LTBR: variants seen among roughly 807,000 people sequenced by gnomAD.
The protein encoded by LTBR is lymphotoxin beta receptor.
A neutral mutation model predicts 45.4 loss-of-function variants in LTBR; 15 were observed. The ratio of observed to expected loss-of-function variants is 0.33; its 90% CI spans 0.22 to 0.51. The LOEUF is 0.51. LTBR is among the 20% of genes least tolerant of loss of function. The pLI is 0.97. For missense variants in LTBR, 450 were observed against 565.5 expected (o/e 0.80, Z 2.07); for synonymous variants, 228 against 231.0 (o/e 0.99, Z 0.12).
chr12:6,375,337 A>AG (rs62625998), upstream of LTBR: 8,627 of 1,434,876 alleles, frequency 6.0e-3, 41 homozygotes, highest in Non-Finnish European at 6.9e-3. Context: ...CCTCAGCTCC[A>AG]GCCTCTGGCC....
At chr12:6,375,324 G>C (rs374705354), upstream of LTBR, 5 of 1,438,526 alleles carry the variant, frequency 3.5e-6, no homozygotes, top group East Asian at 2.5e-5. Flanking sequence ...TCTCACTCTA[G>C]GCCCTCAGCT....
At chr12:6,387,566 C>T (rs933508111) in intron 6 of LTBR, 7 of 167,572 alleles carry the variant, frequency 4.2e-5, no homozygotes, top group Non-Finnish European at 7.8e-5. Flanking sequence ...TCTCCCCAGG[C>T]CTCCCATCCC....
At position 6,386,027 on chromosome 12, in the gene LTBR, T is replaced by G; in HGVS notation, c.473-39T>G. 6.9e-7 allele frequency: 1 copy of G among 1,457,578 alleles called. No homozygotes were observed. The highest frequency in any genetic ancestry group is 2.3e-5 in the East Asian group (1 of 44,096). The allele number at this position is 1,457,578 out of a possible 1,614,324, so 90.3% of individuals were successfully genotyped here. A position where few individuals can be genotyped will look rare whatever the true frequency, so the allele number is the denominator to read the frequency against. ...AGGCCGGCAAAGGGCCCCTCCCTTTTGCCCATTCACCCTGGCTGGCCTGCC... is the reference window on the plus strand; with the variant it reads ...AGGCCGGCAAAGGGCCCCTCCCTTTGGCCCATTCACCCTGGCTGGCCTGCC... On this transcript the variant is annotated intron_variant, in intron 4 of 9. Coordinates refer to ENST00000228918, the MANE Select transcript of LTBR (RefSeq NM_002342.3). The surrounding 1 kb of genome is among the most constrained non-coding windows in gnomAD (Gnocchi z 4.1).
chr12:6,389,830 A>G (rs1229277858), intron 8 of LTBR: 1 of 308,988 alleles, frequency 3.2e-6, no homozygotes, highest in East Asian at 5.3e-5. Context: ...AAAGTTAGCC[A>G]GACAGTCCCA....
rs976958089 is a variant in LTBR, at chr12:6,391,155, C to T, written c.*218C>T. The stretch of plus-strand genomic sequence containing the variant: ...CTGCCTGAGCAAACCTGAGGCCTCC[C>T]GGCAGACCCACCCACCCCCTGGGGC... On this transcript the variant is annotated 3_prime_UTR_variant, in exon 10 of 10. Coordinates refer to ENST00000228918, the MANE Select transcript of LTBR (RefSeq NM_002342.3). The T allele has an allele frequency of 1.8e-5, 8 of 436,898 alleles. No homozygotes were observed. The highest frequency in any genetic ancestry group is 1.5e-4 in the South Asian group (2 of 13,718). 27.1% of individuals were successfully genotyped at this position (436,898 alleles called of 1,614,324 possible). A position where few individuals can be genotyped will look rare whatever the true frequency, so the allele number is the denominator to read the frequency against.
intron 1 of LTBR, chr12:6,377,671 G>A: frequency 3.1e-6 from 4 of 1,301,402 alleles, no homozygotes; most frequent in Non-Finnish European, 3.0e-6. Context: ...CCTTACATTG[G>A]GCATGGTCCT....
At chr12:6,378,786 A>G (rs1479237694) in intron 1 of LTBR, among the ~76,000 whole-genome samples, 1 of 151,862 alleles carries the variant, frequency 6.6e-6, no homozygotes, top group Non-Finnish European at 1.5e-5. Context: ...AGCTTTGTAG[A>G]CTCTGTCTTG....
upstream of LTBR, among the ~76,000 whole-genome samples, chr12:6,381,128 G>A (rs972428240): frequency 1.4e-4 from 21 of 152,156 alleles, no homozygotes; most frequent in African/African-American, 7.2e-5. Context: ...ACTGGTACAT[G>A]GGTGATGGAG....
At position 6,391,037 on chromosome 12, in the gene LTBR, G is replaced by A. The variant is rs571342221; in HGVS notation, c.*100G>A. On this transcript the variant is annotated 3_prime_UTR_variant, in exon 10 of 10. Coordinates refer to ENST00000228918, the MANE Select transcript of LTBR (RefSeq NM_002342.3). ...ATTCACAGGGGCCTGAGTAGGGCCC[G>A]GGGAAGCAGAGCCCTAAGGGATTAA... 3.4e-5 allele frequency: 43 copies of A among 1,259,756 alleles called. No homozygotes were observed. The highest frequency in any genetic ancestry group is 2.1e-4 in the Admixed American group (8 of 38,116). The allele number at this position is 1,259,756 out of a possible 1,614,324, so 78.0% of individuals were successfully genotyped here. A position where few individuals can be genotyped will look rare whatever the true frequency, so the allele number is the denominator to read the frequency against.
rs41512347 is a variant in LTBR at position 6,384,275 on chromosome 12, C to T, written c.-84C>T. On this transcript the variant is annotated 5_prime_UTR_variant, in exon 1 of 10. Transcript: ENST00000228918. The stretch of plus-strand genomic sequence containing the variant: ...GTCCCAGGCTCTGGGCTCGGGCAGC[C>T]GCCGCCACCGCTGCCCAGGACGTCG... The T allele has an allele frequency of 0.011, 15,753 of 1,420,152 alleles. 1,498 individuals are homozygous for T. In the African/African-American group the frequency reaches 0.2, roughly 18 times the overall value. The allele number at this position is 1,420,152 out of a possible 1,614,324, so 88.0% of individuals were successfully genotyped here.
chr12:6,383,131 T>C (rs1227014509), upstream of LTBR, among the ~76,000 whole-genome samples: 3 of 152,192 alleles, frequency 2.0e-5, no homozygotes, highest in East Asian at 3.9e-4. Flanking sequence ...CAGAGGGCAG[T>C]CTTCACGGGG....
At position 6,386,508 on chromosome 12, in the gene LTBR, C is replaced by G. The variant is rs564913428; in HGVS notation, c.667+64C>G. On this transcript the variant is annotated intron_variant, in intron 6 of 9. Transcript: ENST00000228918. This position sits in a 1 kb window ranked among gnomAD's most constrained non-coding sequence, Gnocchi z 4.1. ...CTGAAAATGCCTTAATGCTCCACAT[C>G]TTAAAAAAAATGGGGAAAAGATGAA... 1.0e-4 allele frequency: 127 copies of G among 1,255,902 alleles called. No homozygotes were observed. In the South Asian group the frequency reaches 1.1e-3, roughly 10 times the overall value. The allele number at this position is 1,255,902 out of a possible 1,614,324, so 77.8% of individuals were successfully genotyped here.
At position 6,384,472 on chromosome 12, in the gene LTBR, T is replaced by G. The variant is rs764759671; in HGVS notation, c.96+18T>G. On this transcript the variant is annotated intron_variant, in intron 1 of 9. Coordinates refer to ENST00000228918, the MANE Select transcript of LTBR (RefSeq NM_002342.3). Reference sequence around the variant, plus strand: ...CCCAGGCGGTGAGGAAGGGGCCTGGTAGGAGTGGGCGAGGGTGGGCAAGAG... The same window carrying G: ...CCCAGGCGGTGAGGAAGGGGCCTGGGAGGAGTGGGCGAGGGTGGGCAAGAG... The G allele has an allele frequency of 1.9e-6, 3 of 1,568,246 alleles. No homozygotes were observed. The Admixed American group carries it at 5.7e-5, about 30-fold the overall frequency.
At chr12:6,389,867 A>C in intron 8 of LTBR, 1 of 476,730 alleles carries the variant, frequency 2.1e-6, no homozygotes, top group South Asian at 3.6e-5. Flanking sequence ...AGGCTAGAGG[A>C]TCACTTGAGT....
At chr12:6,383,126 G>C (rs1288702288), upstream of LTBR, among the ~76,000 whole-genome samples, 2 of 152,202 alleles carry the variant, frequency 1.3e-5, no homozygotes, top group African/African-American at 4.8e-5. Flanking sequence ...AGGTACAGAG[G>C]GCAGTCTTCA....
intron 1 of LTBR, chr12:6,376,310 G>A (rs997618805): frequency 8.6e-6 from 3 of 350,006 alleles, no homozygotes; most frequent in East Asian, 1.7e-4. Flanking sequence ...GGGGCTAGGC[G>A]GGGCCCTAGG....
chr12:6,383,191 C>A (rs1949001612), upstream of LTBR, among the ~76,000 whole-genome samples: 1 of 151,818 alleles, frequency 6.6e-6, no homozygotes, highest in South Asian at 2.1e-4. Context: ...AGTGAAGCCT[C>A]AAGGACAGGT....
In LTBR at chr12:6,386,520, G is replaced by A; in HGVS notation, c.667+76G>A. 1 of 1,167,600 alleles carries A rather than the reference G, an allele frequency of 8.6e-7. No individual in the cohort carries two copies. The highest frequency in any genetic ancestry group is 1.5e-5 in the African/African-American group (1 of 65,350). The allele number at this position is 1,167,600 out of a possible 1,614,324, so 72.3% of individuals were successfully genotyped here. On this transcript the variant is annotated intron_variant, in intron 6 of 9. Transcript: ENST00000228918. This position sits in a 1 kb window ranked among gnomAD's most constrained non-coding sequence, Gnocchi z 4.1. ...TAATGCTCCACATCTTAAAAAAAATGGGGAAAAGATGAACACTTCCCTCCC... is the reference window on the plus strand; with the variant it reads ...TAATGCTCCACATCTTAAAAAAAATAGGGAAAAGATGAACACTTCCCTCCC...
upstream of LTBR, among the ~76,000 whole-genome samples, chr12:6,379,791 G>A (rs991330966): frequency 6.6e-6 from 1 of 151,974 alleles, no homozygotes; most frequent in Admixed American, 6.6e-5. Context: ...AATTAGCTGG[G>A]CATAAGTGGT....
Sources: gnomAD v4.1 joint callset for allele counts (sites outside exome capture counted in the v4.1 genomes callset) on GRCh38, gnomAD v4.1.1 for gene constraint, Gnocchi (gnomAD v3.1) non-coding constraint, MANE v1.5 for transcripts, NCBI Gene and HGNC (gene_info 2026-07-23, HGNC 2026-07-21) for gene names.